Variants in EPHA4 observed in about 807,000 individuals in gnomAD.
EPHA4 encodes the protein ephrin type-A receptor 4.
Under a neutral mutation model 108.3 loss-of-function variants are expected in EPHA4, and 19 were observed. The ratio of observed to expected loss-of-function variants is 0.18; its 90% confidence interval spans 0.12 to 0.26. EPHA4 has a LOEUF of 0.26. Ranked by LOEUF, EPHA4 falls within the 10% of genes least tolerant of loss-of-function variation. The probability of loss-of-function intolerance (pLI) is 1.00; values close to 1 mark genes in which losing one functional copy is unlikely to be tolerated. For missense variants in EPHA4, 917 were observed against 1,254.0 expected (o/e 0.73, Z 4.06); for synonymous variants, 449 against 455.5 (o/e 0.99, Z 0.18).
chr2:221,452,611 A>C (rs987530513), intron 8 of EPHA4, among the ~76,000 whole-genome samples: 3 of 152,218 alleles, frequency 2.0e-5, no homozygotes, highest in Non-Finnish European at 4.4e-5. Context: ...GACACTAAAG[A>C]AGAATCAATA....
In EPHA4 at chr2:221,418,249, T is replaced by C. The variant is rs1689637038; in HGVS notation, c.*3123A>G. 6.6e-6 allele frequency: 1 copy of C among 152,634 alleles called. No homozygotes were observed. 9.5% of individuals were successfully genotyped at this position (152,634 alleles called of 1,614,324 possible). ...CAGAAATCACTCAAAGTTTGGAACG[T>C]GTGAACCGAACAATGTTCTGTTAAT... On this transcript the variant is annotated 3_prime_UTR_variant, in exon 18 of 18. Coordinates refer to ENST00000281821, the MANE Select transcript of EPHA4 (RefSeq NM_004438.5).
intron 3 of EPHA4, among the ~76,000 whole-genome samples, chr2:221,559,159 G>A (rs915482867): frequency 3.3e-5 from 5 of 152,006 alleles, no homozygotes; most frequent in African/African-American, 1.2e-4. Context: ...ACCTTTTGTT[G>A]ATATGAGTAC....
At chr2:221,495,015 A>C (rs1393246937) in intron 4 of EPHA4, among the ~76,000 whole-genome samples, 1 of 152,052 alleles carries the variant, frequency 6.6e-6, no homozygotes, top group Non-Finnish European at 1.5e-5. Context: ...AAAAAAAAAA[A>C]AAAAAAAAAC....
intron 4 of EPHA4, among the ~76,000 whole-genome samples, chr2:221,484,236 G>A (rs1035890034): frequency 6.6e-6 from 1 of 152,148 alleles, no homozygotes; most frequent in African/African-American, 2.4e-5. Context: ...CTATAAATAA[G>A]AAATCATATT....
Position 221,425,092 on chromosome 2 carries a change from C to G in EPHA4, c.*819+117G>C, listed in dbSNP as rs1002586816. 3 of 150,144 alleles carry G rather than the reference C, an allele frequency of 2.0e-5. 1 individual carries two copies. Among genetic ancestry groups the G allele is most frequent in the African/African-American group, 7.6e-5 (3 of 39,504 alleles). 9.3% of individuals were successfully genotyped at this position (150,144 alleles called of 1,614,324 possible). ...ACTGAAATCCTGAAAAACATCAACA[C>G]AACCTGAGAGACATGAGAGAGTATT... On this transcript the variant is annotated intron_variant, in intron 17 of 17. Coordinates refer to ENST00000281821, the MANE Select transcript of EPHA4 (RefSeq NM_004438.5).
chr2:221,530,416 C>T (rs1181037161), intron 3 of EPHA4, among the ~76,000 whole-genome samples: 1 of 152,202 alleles, frequency 6.6e-6, no homozygotes, highest in Non-Finnish European at 1.5e-5. Flanking sequence ...AGTTACCATT[C>T]TCTAACATGA....
intron 11 of EPHA4, 157 bp from the exon 12 acceptor site, chr2:221,437,279 G>A (rs1196450025): frequency 1.8e-6 from 1 of 546,818 alleles, no homozygotes; most frequent in East Asian, 2.9e-5. Context: ...TGGGGAGCTA[G>A]GAATGAAATA....
intron 13 of EPHA4, among the ~76,000 whole-genome samples, 161 bp from the exon 14 acceptor site, chr2:221,434,452 T>A (rs1184401228): frequency 6.6e-6 from 1 of 152,244 alleles, no homozygotes; most frequent in Non-Finnish European, 1.5e-5. Flanking sequence ...TCTTCCAGGT[T>A]AACACAGTTC....
At position 221,501,191 on chromosome 2, in the gene EPHA4, A is replaced by G; in HGVS notation, c.824-19T>C. 1 of 1,553,230 alleles carries G rather than the reference A, an allele frequency of 6.4e-7. No homozygotes were observed. The highest frequency in any genetic ancestry group is 2.3e-5 in the East Asian group (1 of 42,950). On this transcript the variant is annotated intron_variant, in intron 3 of 17. Transcript: ENST00000281821. ...TTGCAAGCTGCAGGGAAGAAGAAAA[A>G]AACAAACAAATAGAAACCACTGCAA...
In EPHA4 at chr2:221,556,207, G is replaced by A. The variant is rs140510271; in HGVS notation, c.823+7524C>T. On this transcript the variant is annotated intron_variant, in intron 3 of 17. Transcript: ENST00000281821. ...AATTCATTGAAAAATAACAATTAAC[G>A]CATTGCATGTTAACACAAATAGCAT... Among the ~76,000 whole-genome samples, 270 of 152,136 alleles carry A rather than the reference G, an allele frequency of 1.8e-3. 4 individuals are homozygous for A. The highest frequency in any genetic ancestry group is 5.8e-3 in the African/African-American group (239 of 41,520).
intron 4 of EPHA4, among the ~76,000 whole-genome samples, chr2:221,484,186 T>G (rs1228882119): frequency 6.6e-6 from 1 of 152,232 alleles, no homozygotes; most frequent in African/African-American, 2.4e-5. Context: ...TGAAACATAC[T>G]GTTCAAAATG....
chr2:221,441,503 A>G (rs1559241842), intron 11 of EPHA4, among the ~76,000 whole-genome samples: 1 of 151,918 alleles, frequency 6.6e-6, no homozygotes, highest in East Asian at 1.9e-4. Flanking sequence ...AAACCTACAC[A>G]TTCACCATCC....
At chr2:221,456,042 T>C (rs1356776096) in intron 7 of EPHA4, among the ~76,000 whole-genome samples, 1 of 152,210 alleles carries the variant, frequency 6.6e-6, no homozygotes, top group South Asian at 2.1e-4. Context: ...GTTCATTGAT[T>C]ACCGGGATGG....
At chr2:221,429,146 T>G (rs1447440840) in intron 15 of EPHA4, among the ~76,000 whole-genome samples, 1 of 152,184 alleles carries the variant, frequency 6.6e-6, no homozygotes, top group Non-Finnish European at 1.5e-5. Flanking sequence ...ATTATGCCTG[T>G]ATTCTAAAAT....
chr2:221,461,417 T>C (rs970418545), intron 5 of EPHA4, among the ~76,000 whole-genome samples: 7 of 151,886 alleles, frequency 4.6e-5, no homozygotes, highest in South Asian at 4.2e-4. Flanking sequence ...CTTAAATATA[T>C]GGTTCAATAA....
At chr2:221,504,800 G>T (rs901255095) in intron 3 of EPHA4, among the ~76,000 whole-genome samples, 2 of 152,176 alleles carry the variant, frequency 1.3e-5, no homozygotes, top group Admixed American at 6.5e-5. Flanking sequence ...TGCAGATGAA[G>T]AAACAGGGTT....
At chr2:221,573,327 A>G (rs555668741), upstream of EPHA4, 1 of 152,294 alleles carries the variant, frequency 6.6e-6, no homozygotes, top group Admixed American at 6.5e-5. The surrounding 1 kb of genome is among the most constrained non-coding windows in gnomAD (Gnocchi z 4.5). Flanking sequence ...GACGGCGAGC[A>G]GGAGGACCCG....
rs1334754288 is a variant in EPHA4, at chr2:221,572,195, G to A, written c.54C>T (p.Asp18=). 1 of 1,614,152 alleles carries A rather than the reference G, an allele frequency of 6.2e-7. No homozygotes were observed. The highest frequency in any genetic ancestry group is 2.2e-5 in the East Asian group (1 of 44,874). ...ALFSCLFGIC[D]AVTGSRVYPA... ...GGTATACCCTGGAACCTGTGACAGCGTCGCAAATCCCGAAGAGACACGAAA... is the reference window on the plus strand; with the variant it reads ...GGTATACCCTGGAACCTGTGACAGCATCGCAAATCCCGAAGAGACACGAAA... The change falls in exon 1 of 18, where the codon GAC becomes GAT. Residue 18 remains aspartate, a synonymous_variant. Transcript: ENST00000281821.
intron 3 of EPHA4, among the ~76,000 whole-genome samples, chr2:221,523,413 G>A (rs1368088353): frequency 2.6e-5 from 4 of 151,326 alleles, no homozygotes; most frequent in Admixed American, 1.3e-4. Context: ...TCAGCCTCCC[G>A]AGTAGCTGGG....
Sources: allele counts gnomAD v4.1 joint callset (sites outside exome capture counted in the v4.1 genomes callset), GRCh38; gene constraint gnomAD v4.1.1; non-coding constraint Gnocchi (gnomAD v3.1); transcripts MANE v1.5; gene names NCBI Gene and HGNC (gene_info 2026-07-23, HGNC 2026-07-21).